Variants in RLN2 observed in about 807,000 individuals in gnomAD.
RLN2 encodes the protein prorelaxin H2.
Under a neutral mutation model 7.3 loss-of-function variants are expected in RLN2, and 10 were observed. That is an observed-to-expected ratio of 1.36 (90% confidence interval 0.84 to 2.31). The LOEUF (loss-of-function observed/expected upper bound fraction) is 2.31. Ranked by LOEUF, RLN2 falls within the 30% of genes most tolerant of loss-of-function variation. RLN2 has a pLI of 0.00. For synonymous variants in RLN2, 103 were observed against 82.3 expected (o/e 1.25, Z -1.36); for missense variants, 298 against 217.6 (o/e 1.37, Z -2.32).
the RLN2 span, among the ~76,000 whole-genome samples, chr9:5,336,211 A>C: frequency 6.6e-6 from 1 of 152,094 alleles, no homozygotes; most frequent in African/African-American, 2.4e-5. Context: ...AATTACTCCA[A>C]ATCAATAGTA....
At chr9:5,308,344 C>T (rs149291830), upstream of RLN2, among the ~76,000 whole-genome samples, 4 of 151,908 alleles carry the variant, frequency 2.6e-5, no homozygotes, top group African/African-American at 4.8e-5. Context: ...CAAGTAATAG[C>T]GTATGTATGG....
At chr9:5,331,242 A>T in the RLN2 span, among the ~76,000 whole-genome samples, 1 of 152,054 alleles carries the variant, frequency 6.6e-6, no homozygotes. Context: ...TCCCTAACTC[A>T]TTTTATGGGG....
the RLN2 span, among the ~76,000 whole-genome samples, chr9:5,326,610 G>A: frequency 1.3e-5 from 2 of 152,014 alleles, no homozygotes; most frequent in Non-Finnish European, 1.5e-5. Flanking sequence ...GGGGACAAGG[G>A]GGGAGGGCAT....
chr9:5,334,973 T>G, the RLN2 span: 1 of 296,604 alleles, frequency 3.4e-6, no homozygotes, highest in African/African-American at 2.2e-5. Context: ...ATGGTTAAAG[T>G]GGCAAAGGTT....
chr9:5,312,495 A>G, the RLN2 span, among the ~76,000 whole-genome samples: 2 of 152,088 alleles, frequency 1.3e-5, no homozygotes, highest in African/African-American at 2.4e-5. Flanking sequence ...GTTAAACAAC[A>G]TGCTAAATGT....
chr9:5,334,351 T>C, the RLN2 span, among the ~76,000 whole-genome samples: 1 of 152,020 alleles, frequency 6.6e-6, no homozygotes, highest in African/African-American at 2.4e-5. Flanking sequence ...TACAGACATT[T>C]GATGGAGGAG....
the RLN2 span, among the ~76,000 whole-genome samples, chr9:5,331,252 G>A: frequency 6.6e-6 from 1 of 151,930 alleles, no homozygotes. Context: ...ATTTTATGGG[G>A]CTAGCATCAT....
At chr9:5,316,871 T>A in the RLN2 span, among the ~76,000 whole-genome samples, 2 of 152,062 alleles carry the variant, frequency 1.3e-5, no homozygotes, top group Non-Finnish European at 2.9e-5. Flanking sequence ...GTCACCACAC[T>A]GTCTTCCACA....
At chr9:5,325,953 T>C in the RLN2 span, among the ~76,000 whole-genome samples, 1 of 152,052 alleles carries the variant, frequency 6.6e-6, no homozygotes, top group South Asian at 2.1e-4. Context: ...GGAAAGTTCT[T>C]TTCTCTTTAG....
upstream of RLN2, among the ~76,000 whole-genome samples, chr9:5,305,787 A>G (rs546062751): frequency 2.6e-5 from 4 of 152,220 alleles, no homozygotes; most frequent in African/African-American, 7.2e-5. Flanking sequence ...AGTTACAAAC[A>G]TAACTATGGA....
At chr9:5,304,024 C>T in intron 1 of RLN2, 2 of 201,168 alleles carry the variant, frequency 9.9e-6, no homozygotes, top group South Asian at 2.5e-5. Flanking sequence ...CGGCCTCCTG[C>T]GGGTCTCCGG....
At chr9:5,304,181 GT>G (rs2130992787) in intron 1 of RLN2, 188 bp downstream of exon 1, 1 of 501,728 alleles carries the variant, frequency 2.0e-6, no homozygotes, top group African/African-American at 3.8e-5. Context: ...CAGTGAGACT[GT>G]TTGAATAAAA....
chr9:5,314,313 T>C, the RLN2 span, among the ~76,000 whole-genome samples: 4 of 152,130 alleles, frequency 2.6e-5, no homozygotes, highest in East Asian at 5.8e-4. Context: ...CTACATCCTA[T>C]TTCTTGGGGC....
the RLN2 span, among the ~76,000 whole-genome samples, chr9:5,327,739 G>A: frequency 6.6e-6 from 1 of 152,038 alleles, no homozygotes; most frequent in Admixed American, 6.6e-5. Flanking sequence ...TTGCTGTTCT[G>A]TAGCCTCCAC....
upstream of RLN2, chr9:5,304,785 A>G (rs1002530982): frequency 1.7e-5 from 10 of 595,450 alleles, no homozygotes; most frequent in Non-Finnish European, 3.0e-5. Context: ...ACACCCCTCC[A>G]CAGAATTTTC....
the RLN2 span, among the ~76,000 whole-genome samples, chr9:5,326,973 A>G: frequency 1.8e-4 from 28 of 152,184 alleles, no homozygotes; most frequent in African/African-American, 6.7e-4. Flanking sequence ...ACTCCCAGTG[A>G]GATTGATGCA....
the RLN2 span, among the ~76,000 whole-genome samples, chr9:5,310,759 A>G: frequency 6.6e-6 from 1 of 152,038 alleles, no homozygotes; most frequent in Admixed American, 6.6e-5. Flanking sequence ...AGTAATTCTA[A>G]TTCCTCCCTT....
At chr9:5,315,510 A>C in the RLN2 span, among the ~76,000 whole-genome samples, 40 of 152,040 alleles carry the variant, frequency 2.6e-4, no homozygotes, top group Non-Finnish European at 5.3e-4. Context: ...GAGAAGAGAC[A>C]AATGTGCAGA....
At chr9:5,311,076 G>A in the RLN2 span, among the ~76,000 whole-genome samples, 1 of 151,920 alleles carries the variant, frequency 6.6e-6, no homozygotes, top group Admixed American at 6.6e-5. Context: ...CATCTGGCTG[G>A]AGAAAAAAAT....
Sources: gnomAD v4.1 joint callset for allele counts (sites outside exome capture counted in the v4.1 genomes callset) on GRCh38, gnomAD v4.1.1 for gene constraint, MANE v1.5 for transcripts, NCBI Gene and HGNC (gene_info 2026-07-23, HGNC 2026-07-21) for gene names.